The following ANKRD13C variants were observed in gnomAD, a reference collection of about 807,000 sequenced individuals.
ANKRD13C encodes ankyrin repeat domain-containing protein 13C.
A neutral mutation model predicts 65.5 loss-of-function variants in ANKRD13C; 16 were observed. That is an observed-to-expected ratio of 0.24 (90% CI 0.17 to 0.37). The LOEUF is 0.37. Ranked by LOEUF, ANKRD13C falls within the 10% of genes least tolerant of loss-of-function variation. The probability of loss-of-function intolerance (pLI) is 1.00; values close to 1 mark genes in which losing one functional copy is unlikely to be tolerated. For missense variants in ANKRD13C, 503 were observed against 655.9 expected (o/e 0.77, Z 2.55); for synonymous variants, 235 against 238.7 (o/e 0.98, Z 0.14).
chr1:70,289,131 TG>T (rs1679747975), intron 9 of ANKRD13C, among the ~76,000 whole-genome samples: 1 of 152,254 alleles, frequency 6.6e-6, no homozygotes. Flanking sequence ...ATGGTTTATA[TG>T]GGAAGTGTTT....
chr1:70,347,091 CAAAAAAAA>C (rs35972712), intron 1 of ANKRD13C, among the ~76,000 whole-genome samples: 3 of 36,342 alleles, frequency 8.3e-5, no homozygotes, highest in Admixed American at 3.8e-4. Context: ...GGCTCCGTCT[CAAAAAAAA>C]AAAAAAAAAA....
At chr1:70,293,811 C>T (rs1679962357) in intron 8 of ANKRD13C, among the ~76,000 whole-genome samples, 1 of 152,062 alleles carries the variant, frequency 6.6e-6, no homozygotes, top group South Asian at 2.1e-4. Flanking sequence ...TTTTTGAAAC[C>T]TTATAATGAA....
chr1:70,316,205 G>T (rs774457848), intron 3 of ANKRD13C, among the ~76,000 whole-genome samples: 16 of 152,096 alleles, frequency 1.1e-4, no homozygotes, highest in Admixed American at 2.0e-4. Context: ...TATTGTACAT[G>T]GAAAAAGAAC....
intron 6 of ANKRD13C, among the ~76,000 whole-genome samples, chr1:70,301,170 T>C (rs1374572102): frequency 5.0e-5 from 7 of 141,038 alleles, no homozygotes; most frequent in East Asian, 4.2e-4. Flanking sequence ...TGAATATATA[T>C]ACACACACAT....
rs893948262 is a variant in ANKRD13C, at chr1:70,295,983, A to G, written c.1053+147T>C. The G allele has an allele frequency of 1.9e-5, 16 of 858,834 alleles. No individual in the cohort carries two copies. In the African/African-American group the frequency reaches 2.7e-4, roughly 15 times the overall value. 53.2% of individuals were successfully genotyped at this position (858,834 alleles called of 1,614,324 possible). ...CACATTCTGACTCTAACCATCCATT[A>G]TAATTCCTTATCTGGATTCAAGGAA... On this transcript the variant is annotated intron_variant, in intron 8 of 12. Coordinates refer to ENST00000370944, the MANE Select transcript of ANKRD13C (RefSeq NM_030816.5).
At position 70,270,841 on chromosome 1, in the gene ANKRD13C, A is replaced by G. The variant is rs755155518; in HGVS notation, c.1495+15T>C. ...CCTAATGGACACTAAAATTATATCT[A>G]ATTTTTTCTCTTACCTAATTTTACA... On this transcript the variant is annotated intron_variant, in intron 12 of 12. Coordinates refer to ENST00000370944, the MANE Select transcript of ANKRD13C (RefSeq NM_030816.5). The G allele has an allele frequency of 6.6e-7, 1 of 1,525,192 alleles. No homozygotes were observed. The highest frequency in any genetic ancestry group is 1.8e-5 in the Admixed American group (1 of 56,910). 94.5% of individuals were successfully genotyped at this position (1,525,192 alleles called of 1,614,324 possible). A position where few individuals can be genotyped will look rare whatever the true frequency, so the allele number is the denominator to read the frequency against.
Position 70,270,933 on chromosome 1 carries a change from A to G in ANKRD13C, c.1418T>C (p.Val473Ala), listed in dbSNP as rs773841152. ...IELLLNVLEV[V>A]APFKHFNKLR... ...CTTGTTAAAGTGCTTGAAGGGAGCT[A>G]CTACTTCTAAAACATTCAATAATCT... Residue 473 changes from valine to alanine, a missense_variant, in exon 12 of 13, where the codon GTA (valine) becomes GCA (alanine). Transcript: ENST00000370944. The G allele has an allele frequency of 4.3e-6, 7 of 1,611,000 alleles. No individual in the cohort carries two copies. The highest frequency in any genetic ancestry group is 1.3e-5 in the African/African-American group (1 of 74,842).
chr1:70,286,027 C>T (rs934903668), intron 9 of ANKRD13C, among the ~76,000 whole-genome samples: 3 of 152,112 alleles, frequency 2.0e-5, no homozygotes, highest in Non-Finnish European at 2.9e-5. Context: ...ATATAAACTG[C>T]TAACAGTTCC....
At chr1:70,331,142 C>A (rs1367780719) in intron 2 of ANKRD13C, among the ~76,000 whole-genome samples, 1 of 152,094 alleles carries the variant, frequency 6.6e-6, no homozygotes, top group African/African-American at 2.4e-5. Context: ...TGTTTATAGA[C>A]AAGTACAGAA....
chr1:70,283,764 C>T (rs944751448), intron 9 of ANKRD13C, among the ~76,000 whole-genome samples: 6 of 151,812 alleles, frequency 4.0e-5, no homozygotes, highest in Non-Finnish European at 5.9e-5. Context: ...GCTGAGATCA[C>T]GCCATTGCAC....
At chr1:70,330,019 A>G (rs1681714593) in intron 2 of ANKRD13C, among the ~76,000 whole-genome samples, 1 of 149,142 alleles carries the variant, frequency 6.7e-6, no homozygotes, top group Non-Finnish European at 1.5e-5. Context: ...GAAACCAGGG[A>G]GCAGAGATTG....
chr1:70,306,915 T>C (rs1221283793), intron 5 of ANKRD13C, among the ~76,000 whole-genome samples: 1 of 152,230 alleles, frequency 6.6e-6, no homozygotes, highest in African/African-American at 2.4e-5. Context: ...ATTTATTATC[T>C]GCTATTTTGG....
At chr1:70,268,588 T>TG (rs1466289018) in intron 12 of ANKRD13C, among the ~76,000 whole-genome samples, 2 of 152,138 alleles carry the variant, frequency 1.3e-5, no homozygotes, top group African/African-American at 4.8e-5. Context: ...AGGTTGGGCT[T>TG]GGGGCAGAAA....
At chr1:70,304,738 T>C (rs1335914741) in intron 6 of ANKRD13C, among the ~76,000 whole-genome samples, 1 of 152,160 alleles carries the variant, frequency 6.6e-6, no homozygotes, top group Non-Finnish European at 1.5e-5. Flanking sequence ...AAGATAATAG[T>C]ATCCTCCAAA....
chr1:70,272,589 T>A (rs1389635291), intron 11 of ANKRD13C, among the ~76,000 whole-genome samples: 1 of 149,214 alleles, frequency 6.7e-6, no homozygotes, highest in East Asian at 1.9e-4. Context: ...AAGATATTCT[T>A]TTTTTTTTTC....
intron 5 of ANKRD13C, among the ~76,000 whole-genome samples, chr1:70,312,368 GTT>G (rs372273835): frequency 4.4e-5 from 6 of 137,240 alleles, no homozygotes; most frequent in Admixed American, 1.5e-4. Context: ...TTCTATTACT[GTT>G]TTTTTTTTTT....
At chr1:70,315,683 ATGTG>A in intron 3 of ANKRD13C, 117 bp from the exon 4 acceptor site, 2 of 687,452 alleles carry the variant, frequency 2.9e-6, no homozygotes, top group Non-Finnish European at 4.7e-6. Flanking sequence ...ACGTGCATGT[ATGTG>A]TGTATGTGTA....
chr1:70,339,247 T>A, intron 1 of ANKRD13C, among the ~76,000 whole-genome samples: 1 of 149,736 alleles, frequency 6.7e-6, no homozygotes. Context: ...GTCGACAATT[T>A]GGTGCTAGAG....
chr1:70,284,907 G>A (rs1279957656), intron 9 of ANKRD13C, among the ~76,000 whole-genome samples: 3 of 152,136 alleles, frequency 2.0e-5, no homozygotes, highest in East Asian at 1.9e-4. Context: ...AGCCAGCTAC[G>A]AAAGACATCC....
Sources: allele counts gnomAD v4.1 joint callset (sites outside exome capture counted in the v4.1 genomes callset), GRCh38; gene constraint gnomAD v4.1.1; transcripts MANE v1.5; gene names NCBI Gene and HGNC (gene_info 2026-07-23, HGNC 2026-07-21).